The following PID1 variants were observed in gnomAD, a reference collection of about 807,000 sequenced individuals.
The protein encoded by PID1 is phosphotyrosine interaction domain containing 1.
PID1 carries 10 observed loss-of-function variants against 19.1 expected under a neutral mutation model. That is an observed-to-expected ratio of 0.52 (90% confidence interval 0.32 to 0.89). The LOEUF (loss-of-function observed/expected upper bound fraction) is 0.89. Among genes scored for constraint, PID1 ranks in the 40% least tolerant of loss-of-function variants. PID1 has a pLI of 0.03. For missense variants in PID1, 248 were observed against 285.3 expected, an observed-to-expected ratio of 0.87 and a Z score of 0.94; for synonymous variants, 130 against 116.0, an observed-to-expected ratio of 1.12 and a Z score of -0.78.
intron 1 of PID1, among the ~76,000 whole-genome samples, chr2:229,243,308 G>T (rs146742368): frequency 6.6e-6 from 1 of 152,052 alleles, no homozygotes; most frequent in Non-Finnish European, 1.5e-5. Flanking sequence ...GGGAATTGTG[G>T]GAGTTACAAT....
chr2:229,225,464 CA>C (rs1388571396), intron 1 of PID1, among the ~76,000 whole-genome samples: 12 of 152,084 alleles, frequency 7.9e-5, no homozygotes, highest in African/African-American at 2.9e-4. Context: ...TGGAGAAAGA[CA>C]TAAGGGTGTT....
At chr2:229,165,099 T>C (rs2106204510) in intron 1 of PID1, among the ~76,000 whole-genome samples, 1 of 152,268 alleles carries the variant, frequency 6.6e-6, no homozygotes, top group South Asian at 2.1e-4. Context: ...ATAAAGAAGT[T>C]CTAGTGCCAC....
intron 2 of PID1, among the ~76,000 whole-genome samples, chr2:229,047,182 C>T (rs781631549): frequency 1.3e-5 from 2 of 152,136 alleles, no homozygotes; most frequent in Admixed American, 6.5e-5. Flanking sequence ...ATGTTCATGC[C>T]AAGGATACAG....
At chr2:229,252,392 G>T (rs1168503473) in intron 1 of PID1, among the ~76,000 whole-genome samples, 1 of 152,154 alleles carries the variant, frequency 6.6e-6, no homozygotes, top group East Asian at 1.9e-4. Flanking sequence ...ATTTCCAAAA[G>T]ACTCCCTCTA....
chr2:229,024,182 G>C lies in PID1; in HGVS notation c.*1450C>G, dbSNP rs1050639618. The stretch of plus-strand genomic sequence containing the variant: ...GTACACGCACACAAACGCAGATACG[G>C]ACACACAGATATGCAGACCGAAATG... On this transcript the variant is annotated 3_prime_UTR_variant, in exon 3 of 3. Transcript: ENST00000392055. The C allele has an allele frequency of 6.6e-6, 1 of 152,558 alleles. No individual in the cohort carries two copies. The highest frequency in any genetic ancestry group is 2.4e-5 in the African/African-American group (1 of 41,404). The allele number at this position is 152,558 out of a possible 1,614,324, so 9.5% of individuals were successfully genotyped here.
At chr2:229,128,309 A>G (rs1695664733) in intron 2 of PID1, among the ~76,000 whole-genome samples, 1 of 152,190 alleles carries the variant, frequency 6.6e-6, no homozygotes, top group South Asian at 2.1e-4. Context: ...CCTAAATAGA[A>G]AAAATATTTC....
intron 2 of PID1, among the ~76,000 whole-genome samples, chr2:229,140,982 T>G (rs1689999710): frequency 6.6e-6 from 1 of 151,884 alleles, no homozygotes; most frequent in Admixed American, 6.6e-5. Context: ...ACTATTTTTT[T>G]TTTTTGCATT....
intron 2 of PID1, among the ~76,000 whole-genome samples, chr2:229,059,558 T>C (rs1486361400): frequency 6.6e-6 from 1 of 152,182 alleles, no homozygotes; most frequent in East Asian, 1.9e-4. Context: ...CCACCATGGC[T>C]TGAACCCAAA....
intron 2 of PID1, among the ~76,000 whole-genome samples, chr2:229,087,412 G>A (rs954355545): frequency 2.0e-5 from 3 of 152,136 alleles, no homozygotes; most frequent in African/African-American, 7.2e-5. Context: ...TAGAAACCAG[G>A]ACAGTGCCTA....
At chr2:229,112,995 G>T (rs759133016) in intron 2 of PID1, among the ~76,000 whole-genome samples, 2 of 152,104 alleles carry the variant, frequency 1.3e-5, no homozygotes, top group Non-Finnish European at 2.9e-5. Context: ...CTATCTCACA[G>T]AAATTCAGTA....
At chr2:229,165,945 T>C (rs535959131) in intron 1 of PID1, among the ~76,000 whole-genome samples, 1 of 152,276 alleles carries the variant, frequency 6.6e-6, no homozygotes, top group Non-Finnish European at 1.5e-5. Flanking sequence ...ATATACAAAA[T>C]TCTATTGTTT....
At chr2:229,233,585 G>C (rs569023031) in intron 1 of PID1, among the ~76,000 whole-genome samples, 1 of 151,196 alleles carries the variant, frequency 6.6e-6, no homozygotes, top group Admixed American at 6.6e-5. Context: ...TCCACCTCCC[G>C]GGTTCAAGCG....
Position 229,155,932 on chromosome 2 carries a change from A to G in PID1, c.63T>C (p.Asn21=), listed in dbSNP as rs892146267. 6.2e-7 allele frequency: 1 copy of G among 1,613,988 alleles called. No individual in the cohort carries two copies. The highest frequency in any genetic ancestry group is 1.3e-5 in the African/African-American group (1 of 75,044). ...GAGGTTCCTTTTTCAGTGTTAAGAC[A>G]TTCAATTTAGACTTCAGCATGGTCT... ...HFQTMLKSKL[N]VLTLKKEPLP... is the part of the protein sequence containing the mutation. The change falls in exon 2 of 3, where the codon AAT becomes AAC. Residue 21 remains asparagine, a synonymous_variant. Coordinates refer to ENST00000392055, the MANE Select transcript of PID1 (RefSeq NM_001100818.2).
chr2:229,042,365 T>C (rs1298650612), intron 2 of PID1, among the ~76,000 whole-genome samples: 2 of 152,214 alleles, frequency 1.3e-5, no homozygotes, highest in Admixed American at 6.5e-5. Context: ...CTTGGCTCCA[T>C]CTTAATTTAA....
At chr2:229,043,628 T>C (rs575261680) in intron 2 of PID1, among the ~76,000 whole-genome samples, 1 of 152,228 alleles carries the variant, frequency 6.6e-6, no homozygotes, top group African/African-American at 2.4e-5. Context: ...AGCATGAAGC[T>C]CTTTCATTAT....
chr2:229,086,550 G>T (rs1694770038), intron 2 of PID1, among the ~76,000 whole-genome samples: 1 of 152,108 alleles, frequency 6.6e-6, no homozygotes, highest in Admixed American at 6.6e-5. Context: ...ATTTCTAAAG[G>T]TTTTATAAAA....
chr2:229,204,716 T>C (rs1004670479), intron 1 of PID1, among the ~76,000 whole-genome samples: 1 of 152,120 alleles, frequency 6.6e-6, no homozygotes, highest in Non-Finnish European at 1.5e-5. Flanking sequence ...GATGCGGGGC[T>C]CAACCTGTGG....
intron 2 of PID1, among the ~76,000 whole-genome samples, chr2:229,138,787 A>T (rs1027753943): frequency 6.6e-6 from 1 of 151,708 alleles, no homozygotes; most frequent in Non-Finnish European, 1.5e-5. Flanking sequence ...TTGGGGCTAG[A>T]CAAGTTACTT....
At chr2:229,100,011 G>C (rs1452136357) in intron 2 of PID1, among the ~76,000 whole-genome samples, 1 of 152,140 alleles carries the variant, frequency 6.6e-6, no homozygotes, top group Non-Finnish European at 1.5e-5. Flanking sequence ...TGGGGGACAA[G>C]TGCCCTTATA....
Sources: allele counts gnomAD v4.1 joint callset (sites outside exome capture counted in the v4.1 genomes callset), GRCh38; gene constraint gnomAD v4.1.1; transcripts MANE v1.5; gene names NCBI Gene and HGNC (gene_info 2026-07-23, HGNC 2026-07-21).